The following ABCB11 variants were observed in gnomAD, a reference collection of about 807,000 sequenced individuals.
ABCB11 encodes ATP binding cassette subfamily B member 11, also known as bile salt export pump.
ABCB11 carries 95 observed loss-of-function variants against 148.0 expected under a neutral mutation model. The ratio of observed to expected loss-of-function variants is 0.64; its 90% confidence interval spans 0.54 to 0.76. ABCB11 has a LOEUF of 0.76. Ranked by LOEUF, ABCB11 falls within the 30% of genes least tolerant of loss-of-function variation. ABCB11 has a pLI of 0.00. For synonymous variants in ABCB11, 591 were observed against 555.4 expected, an observed-to-expected ratio of 1.06 and a Z score of -0.90; for missense variants, 1,523 against 1,617.8, an observed-to-expected ratio of 0.94 and a Z score of 1.01.
At chr2:168,970,297 C>A (rs1693527824) in intron 14 of ABCB11, 82 bp from the exon 15 acceptor site, 12 of 1,552,384 alleles carry the variant, frequency 7.7e-6, no homozygotes, top group Non-Finnish European at 9.6e-6. Flanking sequence ...TCCTTTCTGT[C>A]ATAGTTTTCT....
Position 168,970,070 on chromosome 2 carries a change from G to A in ABCB11, c.1784C>T (p.Ala595Val). The A allele has an allele frequency of 6.2e-7, 1 of 1,612,696 alleles. No homozygotes were observed. The highest frequency in any genetic ancestry group is 8.5e-7 in the Non-Finnish European group (1 of 1,179,144). Residue 595 changes from alanine (A) to valine (V), a missense_variant, in exon 15 of 28, where the codon GCC (alanine) becomes GTC (valine). Coordinates refer to ENST00000650372, the MANE Select transcript of ABCB11 (RefSeq NM_003742.4). ...CTTACTCAGCACTTCTTGCACCATG[G>A]CTTCACTCTCATTGTCCAGAGCTGA... ...ATSALDNESE[A>V]MVQEVLSKIQ...
intron 18 of ABCB11, among the ~76,000 whole-genome samples, chr2:168,963,250 C>G (rs767480302): frequency 5.3e-5 from 8 of 151,674 alleles, no homozygotes; most frequent in Non-Finnish European, 1.0e-4. Context: ...TTTAAAATCT[C>G]CTGATGCCTT....
In ABCB11 at chr2:168,993,849, G is replaced by T; in HGVS notation, c.645C>A (p.Asp215Glu). 6.2e-7 allele frequency: 1 copy of T among 1,611,052 alleles called. No individual in the cohort carries two copies. Among genetic ancestry groups the T allele is most frequent in the South Asian group, 1.1e-5 (1 of 90,678 alleles). The change falls in exon 8 of 28, where the codon GAC becomes GAA. Residue 215 changes from aspartate to glutamate, a missense_variant. Transcript: ENST00000650372. The part of the protein sequence containing the change: ...DINKINDAIA[D>E]QMALFIQRMT... ...TGCGCTGAATGAAAAGGGCCATTTGGTCAGCTATGGCATCATTGATTTTAT... is the reference window on the plus strand; with the variant it reads ...TGCGCTGAATGAAAAGGGCCATTTGTTCAGCTATGGCATCATTGATTTTAT...
At chr2:168,929,176 C>G (rs909312462) in intron 25 of ABCB11, among the ~76,000 whole-genome samples, 2 of 152,054 alleles carry the variant, frequency 1.3e-5, no homozygotes, top group Non-Finnish European at 2.9e-5. Context: ...TGAACTATTT[C>G]TTAGAAATTT....
chr2:168,998,569 T>C (rs958779786), intron 5 of ABCB11, among the ~76,000 whole-genome samples: 5 of 151,186 alleles, frequency 3.3e-5, no homozygotes, highest in African/African-American at 1.2e-4. Flanking sequence ...CATAAATATG[T>C]ATACTTATGT....
rs1166356679 is a variant in ABCB11 at position 169,029,724 on chromosome 2, C to CTTTTTTTT, written c.-28+1493_-28+1500dup. Among the ~76,000 whole-genome samples the CTTTTTTTT allele has an allele frequency of 2.7e-3, 235 of 88,290 alleles. 32 individuals carry two copies. Among genetic ancestry groups the CTTTTTTTT allele is most frequent in the African/African-American group, 0.012 (217 of 17,422 alleles). 57.9% of individuals were successfully genotyped at this position (88,290 alleles called of 152,430 possible). ...GTCTCTAAATGTACAGTTCTTTCCT[C>CTTTTTTTT]TTTTTTTTTTTTTTTTTTTTTTTTT... On this transcript the variant is annotated intron_variant, in intron 1 of 27. Transcript: ENST00000650372.
chr2:168,959,867 G>A (rs77415373), intron 18 of ABCB11, among the ~76,000 whole-genome samples: 1 of 136,582 alleles, frequency 7.3e-6, no homozygotes, highest in East Asian at 2.4e-4. Flanking sequence ...TACTGCTATT[G>A]CTATGAATAA....
intron 9 of ABCB11, 92 bp downstream of exon 9, chr2:168,990,709 A>G (rs1397366626): frequency 6.5e-7 from 1 of 1,530,282 alleles, no homozygotes; most frequent in African/African-American, 1.4e-5. Context: ...CCACAGACCA[A>G]GGTGGGTCTG....
intron 15 of ABCB11, among the ~76,000 whole-genome samples, chr2:168,969,803 C>T (rs1243695346): frequency 6.6e-6 from 1 of 152,012 alleles, no homozygotes; most frequent in Non-Finnish European, 1.5e-5. Flanking sequence ...ATATCATAAG[C>T]TAGTCTTAAC....
At chr2:168,972,723 T>G (rs1263894941) in intron 13 of ABCB11, among the ~76,000 whole-genome samples, 1 of 152,040 alleles carries the variant, frequency 6.6e-6, no homozygotes, top group Non-Finnish European at 1.5e-5. Flanking sequence ...AGAGAACTCA[T>G]TTTGTTGAAG....
intron 22 of ABCB11, 32 bp downstream of exon 22, chr2:168,936,198 G>A: frequency 1.3e-6 from 2 of 1,599,092 alleles, no homozygotes; most frequent in Non-Finnish European, 1.7e-6. Flanking sequence ...ACTCAGCCAT[G>A]AGGAATGGGA....
chr2:169,027,868 A>G (rs1484160683), intron 1 of ABCB11, among the ~76,000 whole-genome samples: 1 of 152,180 alleles, frequency 6.6e-6, no homozygotes, highest in East Asian at 1.9e-4. Flanking sequence ...GCTGGGATCA[A>G]TACTAGCAAT....
At chr2:168,936,456 C>A (rs759830895) in intron 21 of ABCB11, 23 bp from the exon 22 acceptor site, 60 of 1,612,090 alleles carry the variant, frequency 3.7e-5, no homozygotes, top group Non-Finnish European at 4.9e-5. Context: ...AAGCAATCAA[C>A]CCGTCTCAGA....
At chr2:168,951,298 T>A (rs1448388747) in intron 19 of ABCB11, among the ~76,000 whole-genome samples, 1 of 151,716 alleles carries the variant, frequency 6.6e-6, no homozygotes, top group Non-Finnish European at 1.5e-5. Context: ...AAAATGACAT[T>A]GGTAATTTGA....
At chr2:168,976,747 C>A in intron 11 of ABCB11, 60 bp from the exon 12 acceptor site, 2 of 1,007,750 alleles carry the variant, frequency 2.0e-6, no homozygotes, top group Non-Finnish European at 3.1e-6. Flanking sequence ...CAACTCAATT[C>A]AAATTGTAAA....
chr2:169,026,205 G>A (rs896831285), intron 1 of ABCB11, among the ~76,000 whole-genome samples: 3 of 152,166 alleles, frequency 2.0e-5, no homozygotes, highest in African/African-American at 7.2e-5. Context: ...TGAGTACCAG[G>A]CCAGCTATGA....
rs1052045728 is a variant in ABCB11, at chr2:168,921,441, G to T, written c.*2181C>A. Among the ~76,000 whole-genome samples the T allele has an allele frequency of 6.6e-6, 1 of 152,042 alleles. No individual in the cohort carries two copies. The highest frequency in any genetic ancestry group is 2.4e-5 in the African/African-American group (1 of 41,386). Reference sequence around the variant, plus strand: ...GCAGGATAGGTTGGTGGGAACCGTGGGTGCAGTCCTGCTCCCAAGGTTTTC... The same window carrying T: ...GCAGGATAGGTTGGTGGGAACCGTGTGTGCAGTCCTGCTCCCAAGGTTTTC... On this transcript the variant is annotated 3_prime_UTR_variant, in exon 28 of 28. Transcript: ENST00000650372.
chr2:169,020,200 T>C (rs930176696), intron 1 of ABCB11, among the ~76,000 whole-genome samples: 5 of 152,216 alleles, frequency 3.3e-5, no homozygotes, highest in South Asian at 2.1e-4. Flanking sequence ...TCTGAGGACA[T>C]TGTTTTATAA....
intron 11 of ABCB11, among the ~76,000 whole-genome samples, chr2:168,979,582 G>C (rs1006240635): frequency 6.8e-6 from 1 of 147,090 alleles, no homozygotes; most frequent in Non-Finnish European, 1.5e-5. Flanking sequence ...TGAGGCAGGA[G>C]AATCGCTTGA....
Sources: gnomAD v4.1 joint callset for allele counts (sites outside exome capture counted in the v4.1 genomes callset) on GRCh38, gnomAD v4.1.1 for gene constraint, MANE v1.5 for transcripts, NCBI Gene and HGNC (gene_info 2026-07-23, HGNC 2026-07-21) for gene names.